POF1B: variants seen among roughly 807,000 people sequenced by gnomAD.
The protein encoded by POF1B is POF1B actin binding protein, also known as protein POF1B.
In POF1B, 53 loss-of-function variants were observed where a neutral mutation model predicts 55.3. The observed-to-expected ratio is 0.96, with a 90% CI of 0.77 to 1.20. POF1B has a LOEUF of 1.20. Ranked by LOEUF, POF1B falls within the 50% of genes most tolerant of loss-of-function variation. The pLI is 0.00. For missense variants in POF1B, 478 were observed against 420.5 expected, an observed-to-expected ratio of 1.14 and a Z score of -1.20; for synonymous variants, 188 against 148.3, an observed-to-expected ratio of 1.27 and a Z score of -1.95.
chrX:85,379,603 C>T (rs1933981456), intron 1 of POF1B, 36 bp downstream of exon 1: 1 of 574,815 alleles, frequency 1.7e-6, no homozygotes, highest in Non-Finnish European at 2.7e-6. Flanking sequence ...ATCAAAACCT[C>T]TGCCAATAGT....
intron 15 of POF1B, among the ~76,000 whole-genome samples, chrX:85,298,308 C>T (rs1178279813): frequency 8.9e-6 from 1 of 112,100 alleles, no homozygotes; most frequent in Non-Finnish European, 1.9e-5. Context: ...GGGGTCCTTG[C>T]AGGCTAGAGC....
At chrX:85,283,017 T>C (rs1240854610) in intron 15 of POF1B, among the ~76,000 whole-genome samples, 1 of 111,513 alleles carries the variant, frequency 9.0e-6, no homozygotes, top group East Asian at 2.8e-4. Context: ...GAATATTGCC[T>C]TAGTAGTGGG....
chrX:85,313,869 C>T (rs1354351061), intron 9 of POF1B, among the ~76,000 whole-genome samples: 4 of 109,890 alleles, frequency 3.6e-5, no homozygotes, highest in African/African-American at 1.3e-4. Flanking sequence ...GCCTCAATTT[C>T]AGAACTTGTT....
In POF1B at chrX:85,379,420, C is replaced by T. The variant is rs762174766; in HGVS notation, c.35G>A (p.Ser12Asn). 9 of 1,206,991 alleles carry T rather than the reference C, an allele frequency of 7.5e-6. No homozygotes were observed. The highest frequency in any genetic ancestry group is 3.0e-5 in the East Asian group (1 of 33,660). ...SSSYWSETSS[S>N]SCGTQQLPEV... ...TGGGAGCTGCTGGGTTCCACAGCTGCTGCTGCTCGTCTCACTCCAATAGCT... is the reference window on the plus strand; with the variant it reads ...TGGGAGCTGCTGGGTTCCACAGCTGTTGCTGCTCGTCTCACTCCAATAGCT... Residue 12 changes from serine to asparagine, a missense_variant, in exon 2 of 17, where the codon AGC becomes AAC. Transcript: ENST00000262753.
intron 7 of POF1B, among the ~76,000 whole-genome samples, chrX:85,319,961 T>C (rs1414425562): frequency 1.8e-5 from 2 of 111,244 alleles, no homozygotes; most frequent in African/African-American, 6.5e-5. Context: ...CTCTTCCTTA[T>C]ACATTTGGTA....
chrX:85,364,544 AT>A (rs760580823), intron 3 of POF1B, among the ~76,000 whole-genome samples: 8 of 110,792 alleles, frequency 7.2e-5, no homozygotes, highest in Non-Finnish European at 1.5e-4. Flanking sequence ...TTGTTTGATG[AT>A]TTTTTTTCTT....
intron 15 of POF1B, among the ~76,000 whole-genome samples, chrX:85,294,347 G>A (rs1932262023): frequency 9.0e-6 from 1 of 111,672 alleles, no homozygotes; most frequent in Non-Finnish European, 1.9e-5. Flanking sequence ...TATTGGCTGT[G>A]GGTTTCTCAT....
intron 6 of POF1B, 125 bp from the exon 7 acceptor site, chrX:85,331,204 A>G (rs1932973711): frequency 1.5e-6 from 1 of 683,714 alleles, no homozygotes; most frequent in African/African-American, 2.2e-5. Context: ...CATTTTTTTC[A>G]GGGATACATT....
chrX:85,294,159 T>A (rs2147896105), intron 15 of POF1B, among the ~76,000 whole-genome samples: 1 of 111,876 alleles, frequency 8.9e-6, no homozygotes, highest in East Asian at 2.8e-4. Context: ...TAGAATCCTA[T>A]CAGCAAGGAG....
chrX:85,364,270 G>A (rs975986106), intron 3 of POF1B, among the ~76,000 whole-genome samples: 1 of 111,057 alleles, frequency 9.0e-6, no homozygotes, highest in Non-Finnish European at 1.9e-5. Context: ...ATTGAAATGT[G>A]TGCATTTGAT....
intron 6 of POF1B, among the ~76,000 whole-genome samples, chrX:85,337,717 A>C (rs1340841774): frequency 8.9e-6 from 1 of 112,014 alleles, no homozygotes; most frequent in African/African-American, 3.2e-5. Flanking sequence ...CTGTGTGAAA[A>C]AACATAGATA....
chrX:85,319,265 T>C (rs990391866), intron 7 of POF1B, among the ~76,000 whole-genome samples: 5 of 111,620 alleles, frequency 4.5e-5, no homozygotes, highest in Admixed American at 3.8e-4. Flanking sequence ...AAGGAGCTTT[T>C]GGGCAGAGAC....
At chrX:85,354,252 T>A (rs936921162) in intron 4 of POF1B, among the ~76,000 whole-genome samples, 19 of 111,098 alleles carry the variant, frequency 1.7e-4, no homozygotes, top group Non-Finnish European at 3.8e-5. Flanking sequence ...AAATCCATAC[T>A]GTGTTTTAAA....
chrX:85,379,436 T>C lies in POF1B; in HGVS notation c.19A>G (p.Ser7Gly), dbSNP rs781138353. The change falls in exon 2 of 17, where the codon AGT (serine) becomes GGT (glycine). Residue 7 changes from serine to glycine, a missense_variant. Ser to Gly is a moderately conservative substitution (Grantham distance 56). Transcript: ENST00000262753. ...CCACAGCTGCTGCTGCTCGTCTCAC[T>C]CCAATAGCTCGAGCTCATCTTCTTC... MSSSYWSETSSSSCGTQ... is the reference protein window; with the variant it reads MSSSYWGETSSSSCGTQ... 4.1e-6 allele frequency: 5 copies of C among 1,206,340 alleles called. No homozygotes were observed. In the East Asian group the frequency reaches 1.5e-4, roughly 36 times the overall value.
chrX:85,354,601 C>T (rs1210222253), intron 4 of POF1B, among the ~76,000 whole-genome samples: 1 of 111,019 alleles, frequency 9.0e-6, no homozygotes, highest in African/African-American at 3.3e-5. Context: ...TAAGCAACTT[C>T]GGCAAAGTCT....
chrX:85,286,240 ATAT>A (rs1337688018), intron 15 of POF1B, among the ~76,000 whole-genome samples: 1 of 111,134 alleles, frequency 9.0e-6, no homozygotes, highest in Non-Finnish European at 1.9e-5. Context: ...ATGGGATATA[ATAT>A]TATTGGAAGT....
At chrX:85,349,840 T>C (rs1315684353) in intron 5 of POF1B, among the ~76,000 whole-genome samples, 1 of 110,888 alleles carries the variant, frequency 9.0e-6, no homozygotes, top group Non-Finnish European at 1.9e-5. Context: ...TGGCACTTTG[T>C]TGCAGCAGCC....
At chrX:85,353,136 C>T in intron 4 of POF1B, among the ~76,000 whole-genome samples, 1 of 110,626 alleles carries the variant, frequency 9.0e-6, no homozygotes, top group South Asian at 3.8e-4. Flanking sequence ...TAGTAGAGTA[C>T]CTGGATTAGG....
At chrX:85,348,019 C>T (rs1933304229) in intron 5 of POF1B, among the ~76,000 whole-genome samples, 1 of 111,197 alleles carries the variant, frequency 9.0e-6, no homozygotes, top group African/African-American at 3.3e-5. Context: ...CCTCACAAAG[C>T]AAGTTAGGAA....
Sources: gnomAD v4.1 joint callset for allele counts (sites outside exome capture counted in the v4.1 genomes callset) on GRCh38, gnomAD v4.1.1 for gene constraint, MANE v1.5 for transcripts, NCBI Gene and HGNC (gene_info 2026-07-23, HGNC 2026-07-21) for gene names.